DLGAP2: variants seen among roughly 807,000 people sequenced by gnomAD.
The protein encoded by DLGAP2 is disks large-associated protein 2.
In DLGAP2, 26 loss-of-function variants were observed where a neutral mutation model predicts 100.3. The ratio of observed to expected loss-of-function variants is 0.26; its 90% confidence interval spans 0.19 to 0.36. DLGAP2 has a LOEUF of 0.36. Among genes scored for constraint, DLGAP2 ranks in the 10% least tolerant of loss-of-function variants. The pLI, the probability that DLGAP2 is intolerant of heterozygous loss-of-function variation, is 1.00. For synonymous variants in DLGAP2, 886 were observed against 630.1 expected (o/e 1.41, Z -6.08); for missense variants, 1,858 against 1,453.2 (o/e 1.28, Z -4.53).
At chr8:1,449,723 G>C (rs971573155) in intron 3 of DLGAP2, among the ~76,000 whole-genome samples, 3 of 152,330 alleles carry the variant, frequency 2.0e-5, no homozygotes, top group South Asian at 4.1e-4. Flanking sequence ...GCCAGGACAA[G>C]CCTTGCTGTA....
At chr8:789,872 C>T (rs1279041526) in intron 1 of DLGAP2, among the ~76,000 whole-genome samples, 1 of 152,172 alleles carries the variant, frequency 6.6e-6, no homozygotes, top group South Asian at 2.1e-4. Context: ...GTGTAATGAT[C>T]AAAGCAGCTG....
intron 3 of DLGAP2, among the ~76,000 whole-genome samples, chr8:1,376,120 A>G (rs1321295910): frequency 6.6e-6 from 1 of 150,724 alleles, no homozygotes; most frequent in Non-Finnish European, 1.5e-5. Flanking sequence ...CGACCTCAGA[A>G]CTGAGCCCCC....
At chr8:1,367,357 T>A (rs572111742) in intron 3 of DLGAP2, among the ~76,000 whole-genome samples, 1 of 152,358 alleles carries the variant, frequency 6.6e-6, no homozygotes, top group South Asian at 2.1e-4. Context: ...CCTTTTAAGA[T>A]TCTGCTGAAA....
chr8:1,005,168 T>G (rs1268053287), intron 2 of DLGAP2, among the ~76,000 whole-genome samples: 1 of 152,176 alleles, frequency 6.6e-6, no homozygotes, highest in Non-Finnish European at 1.5e-5. Flanking sequence ...GCCCACTGAT[T>G]GAGGCTACTG....
intron 1 of DLGAP2, among the ~76,000 whole-genome samples, chr8:889,584 G>C (rs1005957323): frequency 6.6e-6 from 1 of 152,230 alleles, no homozygotes; most frequent in African/African-American, 2.4e-5. Flanking sequence ...CGGCCACAGG[G>C]TGTGTTGCGC....
chr8:1,418,883 T>A (rs2129924609), intron 3 of DLGAP2, among the ~76,000 whole-genome samples: 1 of 152,286 alleles, frequency 6.6e-6, no homozygotes. Flanking sequence ...AGATCATGGG[T>A]TCCCATGGCT....
intron 3 of DLGAP2, among the ~76,000 whole-genome samples, chr8:1,480,356 C>T (rs757422100): frequency 2.6e-5 from 4 of 152,292 alleles, no homozygotes; most frequent in East Asian, 1.9e-4. Flanking sequence ...TCAGTGCTGA[C>T]TCTGTCTTTC....
chr8:1,089,089 G>C lies in DLGAP2; in HGVS notation c.74-169762G>C, dbSNP rs1299942344. Among the ~76,000 whole-genome samples, 33 of 134,244 alleles carry C rather than the reference G, an allele frequency of 2.5e-4. 1 individual carries two copies. Among genetic ancestry groups the C allele is most frequent in the Non-Finnish European group, 4.6e-4 (30 of 64,736 alleles). 88.1% of individuals were successfully genotyped at this position (134,244 alleles called of 152,430 possible). On this transcript the variant is annotated intron_variant, in intron 2 of 14. Coordinates refer to ENST00000637795, the MANE Select transcript of DLGAP2 (RefSeq NM_001346810.2). ...ACTCTCTCCACCCCTCGTCCAGCAG[G>C]CTATGCAATTCTTGCTCCCCGGCCT...
chr8:1,471,811 G>T (rs879465238), intron 3 of DLGAP2, among the ~76,000 whole-genome samples: 1 of 152,196 alleles, frequency 6.6e-6, no homozygotes, highest in Non-Finnish European at 1.5e-5. Context: ...AAAGCTGGGT[G>T]AAATCACATC....
intron 1 of DLGAP2, among the ~76,000 whole-genome samples, chr8:843,406 C>G (rs539528575): frequency 1.3e-5 from 2 of 152,312 alleles, no homozygotes; most frequent in East Asian, 3.9e-4. Flanking sequence ...GCTGTCTTTA[C>G]GGGGAGACCC....
At chr8:778,806 C>A (rs1451917236) in intron 1 of DLGAP2, among the ~76,000 whole-genome samples, 1 of 152,234 alleles carries the variant, frequency 6.6e-6, no homozygotes, top group African/African-American at 2.4e-5. Flanking sequence ...TTGTTTGTGC[C>A]CTGCCCCCAG....
chr8:1,444,692 T>C (rs191875311), intron 3 of DLGAP2, among the ~76,000 whole-genome samples: 4 of 152,032 alleles, frequency 2.6e-5, no homozygotes, highest in African/African-American at 9.6e-5. Flanking sequence ...TGTCACCATC[T>C]GCAGTCCCCT....
intron 1 of DLGAP2, among the ~76,000 whole-genome samples, chr8:767,596 C>A (rs1821248811): frequency 6.6e-6 from 1 of 152,112 alleles, no homozygotes; most frequent in Admixed American, 6.5e-5. Context: ...ACCTCGTGAT[C>A]CACGTGCCTT....
chr8:1,350,218 C>CGGGTCCTGACAGTTGTGGAAAGGCCGCGT (rs1801678415), intron 3 of DLGAP2, among the ~76,000 whole-genome samples: 1 of 142,314 alleles, frequency 7.0e-6, no homozygotes, highest in African/African-American at 2.6e-5. Context: ...AAAGGCCGTG[C>CGGGTCCTGACAGTTGTGGAAAGGCCGCGT]GGGTCCTGAG....
At chr8:1,640,447 T>C (rs1797870635) in intron 8 of DLGAP2, among the ~76,000 whole-genome samples, 1 of 152,156 alleles carries the variant, frequency 6.6e-6, no homozygotes, top group African/African-American at 2.4e-5. Context: ...AACAACGATA[T>C]CGTGCGGGAG....
intron 3 of DLGAP2, among the ~76,000 whole-genome samples, chr8:1,458,146 T>C (rs554255103): frequency 6.6e-6 from 1 of 151,578 alleles, no homozygotes; most frequent in Non-Finnish European, 1.5e-5. Flanking sequence ...GACCTCGTGA[T>C]CCACCCGCCT....
At chr8:1,173,688 T>G (rs565366964) in intron 2 of DLGAP2, among the ~76,000 whole-genome samples, 3 of 152,284 alleles carry the variant, frequency 2.0e-5, no homozygotes, top group Non-Finnish European at 4.4e-5. Context: ...CTGAGCCAGG[T>G]GCAGGATATA....
chr8:1,167,227 A>G (rs952106716), intron 2 of DLGAP2, among the ~76,000 whole-genome samples: 2 of 152,216 alleles, frequency 1.3e-5, no homozygotes, highest in Admixed American at 1.3e-4. Context: ...CATGAAATTC[A>G]CAAGCAAAGG....
At chr8:1,569,569 T>G (rs1322491244) in intron 6 of DLGAP2, among the ~76,000 whole-genome samples, 1 of 152,270 alleles carries the variant, frequency 6.6e-6, no homozygotes, top group Non-Finnish European at 1.5e-5. Flanking sequence ...TTAGTTTATC[T>G]TATATTCCTT....
Sources: allele counts gnomAD v4.1 joint callset (sites outside exome capture counted in the v4.1 genomes callset), GRCh38; gene constraint gnomAD v4.1.1; transcripts MANE v1.5; gene names NCBI Gene and HGNC (gene_info 2026-07-23, HGNC 2026-07-21).